Variants in CTSB observed in about 807,000 individuals in gnomAD.
CTSB encodes the protein cathepsin B, also known as APP secretase.
A neutral mutation model predicts 44.3 loss-of-function variants in CTSB; 57 were observed. The observed-to-expected ratio is 1.29, with a 90% CI of 1.04 to 1.60. The LOEUF (loss-of-function observed/expected upper bound fraction) is 1.60, where lower values mean the gene tolerates loss of function less well. Among genes scored for constraint, CTSB ranks in the 40% most tolerant of loss-of-function variants. The pLI is 0.00. For missense variants in CTSB, 768 were observed against 443.0 expected (o/e 1.73, Z -6.59); for synonymous variants, 320 against 168.0 (o/e 1.91, Z -7.00).
chr8:11,864,013 G>A (rs1482641315), intron 1 of CTSB, among the ~76,000 whole-genome samples: 1 of 152,098 alleles, frequency 6.6e-6, no homozygotes, highest in African/African-American at 2.4e-5. Flanking sequence ...TAACATAACT[G>A]TCCCTCAGTA....
intron 6 of CTSB, 78 bp from the exon 7 acceptor site, chr8:11,847,900 T>G (rs1030869522): frequency 2.1e-5 from 31 of 1,444,888 alleles, no homozygotes; most frequent in Non-Finnish European, 2.9e-5. Context: ...GCCTCGTGCC[T>G]GCAGCATGGA....
intron 5 of CTSB, chr8:11,848,553 G>A (rs1813901190): frequency 8.6e-6 from 3 of 347,158 alleles, no homozygotes; most frequent in African/African-American, 6.4e-5. Context: ...AGTTAGGGGA[G>A]AAGCCCATGC....
At position 11,853,399 on chromosome 8, in the gene CTSB, C is replaced by T; in HGVS notation, c.56G>A (p.Ser19Asn). 6.2e-7 allele frequency: 1 copy of T among 1,612,928 alleles called. No homozygotes were observed. Among genetic ancestry groups the T allele is most frequent in the African/African-American group, 1.3e-5 (1 of 74,594 alleles). The change falls in exon 2 of 10, where the codon AGC (serine) becomes AAC (asparagine). Residue 19 changes from serine (S) to asparagine (N), a missense_variant. Ser to Asn is a conservative substitution (Grantham distance 46). Coordinates refer to ENST00000353047, the MANE Select transcript of CTSB (RefSeq NM_001908.5). Reference protein sequence around the residue: ...CCLLVLANARSRPSFHPLSDE... With the variant: ...CCLLVLANARNRPSFHPLSDE... ...CGACAGGGGATGGAAAGAGGGCCTG[C>T]TCCGGGCATTGGCCAACACCAGCAG...
At chr8:11,855,565 G>A (rs1815363654) in intron 1 of CTSB, among the ~76,000 whole-genome samples, 1 of 152,100 alleles carries the variant, frequency 6.6e-6, no homozygotes, top group South Asian at 2.1e-4. Context: ...AGCCTTCAAG[G>A]GAAAATGCTT....
In CTSB at chr8:11,853,577, T is replaced by C. The variant is rs891129113; in HGVS notation, c.-25-98A>G. Reference sequence around the variant, plus strand: ...TCTCGGGCATCAGTGGGGACCCCCATGCTCGTCCTGGCCCAGGCGGAGAAC... The same window carrying C: ...TCTCGGGCATCAGTGGGGACCCCCACGCTCGTCCTGGCCCAGGCGGAGAAC... On this transcript the variant is annotated intron_variant, in intron 1 of 9. Transcript: ENST00000353047. The C allele has an allele frequency of 6.5e-6, 8 of 1,236,470 alleles. No homozygotes were observed. The African/African-American group carries it at 7.6e-5, about 12-fold the overall frequency. The allele number at this position is 1,236,470 out of a possible 1,614,324, so 76.6% of individuals were successfully genotyped here.
chr8:11,852,149 C>G (rs1210929638), intron 3 of CTSB, among the ~76,000 whole-genome samples: 3 of 152,140 alleles, frequency 2.0e-5, no homozygotes, highest in Non-Finnish European at 4.4e-5. Flanking sequence ...GGGCAGATGA[C>G]TTGCTGAGGC....
At chr8:11,852,047 C>T (rs1272253429) in intron 3 of CTSB, among the ~76,000 whole-genome samples, 3 of 152,190 alleles carry the variant, frequency 2.0e-5, no homozygotes, top group Non-Finnish European at 4.4e-5. Flanking sequence ...CCTTGTCTGT[C>T]ACATCTGCGG....
chr8:11,847,785 G>T lies in CTSB; in HGVS notation c.570C>A (p.His190Gln), dbSNP rs533996056. The change falls in exon 7 of 10, where the codon CAC becomes CAA. Residue 190 changes from histidine to glutamine, a missense_variant. His to Gln is a conservative substitution (Grantham distance 24). Transcript: ENST00000353047. ...TGCATGGGGGCCGGGAGCCGTTGAC[G>T]TGGTGCTCACAGGGAGGGATGGAGT... ...RPYSIPPCEHHVNGSRPPCTG... is the reference protein window; with the variant it reads ...RPYSIPPCEHQVNGSRPPCTG... The T allele has an allele frequency of 1.3e-6, 2 of 1,598,586 alleles. No individual in the cohort carries two copies. The highest frequency in any genetic ancestry group is 1.1e-5 in the South Asian group (1 of 88,842).
rs1466119185 is a variant in CTSB, at chr8:11,845,186, C to G, written c.959G>C (p.Gly320Ala). The change falls in exon 10 of 10, where the codon GGA becomes GCA. Residue 320 changes from glycine to alanine, a missense_variant. By Grantham distance (60) the Gly-to-Ala change is moderately conservative. Coordinates refer to ENST00000353047, the MANE Select transcript of CTSB (RefSeq NM_001908.5). ...TCCAGCCACCACTTCTGATTCGATT[C>G]CACAGTGATCCTGTCCTCTGAGTAT... ...FKILRGQDHC[G>A]IESEVVAGIP... 1.2e-6 allele frequency: 2 copies of G among 1,613,926 alleles called. No individual in the cohort carries two copies. The highest frequency in any genetic ancestry group is 1.7e-6 in the Non-Finnish European group (2 of 1,179,802).
At position 11,853,323 on chromosome 8, in the gene CTSB, G is replaced by A; in HGVS notation, c.126+6C>T. 1.9e-6 allele frequency: 3 copies of A among 1,613,278 alleles called. No individual in the cohort carries two copies. The highest frequency in any genetic ancestry group is 2.5e-6 in the Non-Finnish European group (3 of 1,179,780). On this transcript the variant is annotated splice_donor_region_variant and intron_variant, in intron 2 of 9. Transcript: ENST00000353047. ...GACATACATAGGACGCAGCCCCACA[G>A]CCTACCTGCCACGTGGTATTCCGTT...
intron 1 of CTSB, chr8:11,867,773 G>A (rs1817383955): frequency 6.6e-6 from 1 of 152,214 alleles, no homozygotes; most frequent in Admixed American, 6.5e-5. Flanking sequence ...GGCGGGCGGA[G>A]CTGTTTTCTG....
At chr8:11,847,009 T>G (rs1295936532) in intron 8 of CTSB, 43 bp downstream of exon 8, 262 of 648,034 alleles carry the variant, frequency 4.0e-4, no homozygotes, top group Non-Finnish European at 5.6e-4. Context: ...CAGGCTCCCC[T>G]CCCGACCCCC....
chr8:11,859,618 A>G (rs1816063853), intron 1 of CTSB, among the ~76,000 whole-genome samples: 1 of 151,674 alleles, frequency 6.6e-6, no homozygotes, highest in Non-Finnish European at 1.5e-5. Context: ...AAATACAAAA[A>G]TTAGCCAGGC....
At chr8:11,852,570 G>A in intron 3 of CTSB, 40 bp downstream of exon 3, 5 of 1,546,580 alleles carry the variant, frequency 3.2e-6, no homozygotes, top group Non-Finnish European at 4.4e-6. Flanking sequence ...ACCAACGCCT[G>A]CCACTCACAT....
In CTSB at chr8:11,844,683, GCTCCCAACACCGTCT is replaced by G. The variant is rs1036977899; in HGVS notation, c.*427_*441del. The G allele has an allele frequency of 1.8e-5, 3 of 163,090 alleles. No individual in the cohort carries two copies. The highest frequency in any genetic ancestry group is 7.2e-5 in the African/African-American group (3 of 41,860). The allele number at this position is 163,090 out of a possible 1,614,324, so 10.1% of individuals were successfully genotyped here. A position where few individuals can be genotyped will look rare whatever the true frequency, so the allele number is the denominator to read the frequency against. ...CTGGGAGACTGGCGTTCTCCAAAGG[GCTCCCAACACCGTCT>G]CTCCTCTGATTTCTGTGACAAATGT... On this transcript the variant is annotated 3_prime_UTR_variant, in exon 10 of 10. Coordinates refer to ENST00000353047, the MANE Select transcript of CTSB (RefSeq NM_001908.5).
At chr8:11,845,484 A>T (rs897434280) in intron 9 of CTSB, among the ~76,000 whole-genome samples, 177 bp downstream of exon 9, 3 of 152,196 alleles carry the variant, frequency 2.0e-5, no homozygotes, top group African/African-American at 7.2e-5. Flanking sequence ...AGCTGCTCAG[A>T]GTCTGCCCTC....
Position 11,853,476 on chromosome 8 carries a change from C to T in CTSB, c.-22G>A, listed in dbSNP as rs144735294. 2.5e-3 allele frequency: 4,091 copies of T among 1,609,174 alleles called. 53 individuals carry two copies. In the Middle Eastern group the frequency reaches 0.031, roughly 12 times the overall value. On this transcript the variant is annotated 5_prime_UTR_variant, in exon 2 of 10. Coordinates refer to ENST00000353047, the MANE Select transcript of CTSB (RefSeq NM_001908.5). ...ACATGTTGGAAGCCGGATCCTAGAT[C>T]CACCTGGAGAGGACAGAGGGCATCA...
At chr8:11,860,744 A>G (rs955638733) in intron 1 of CTSB, among the ~76,000 whole-genome samples, 1 of 152,206 alleles carries the variant, frequency 6.6e-6, no homozygotes, top group Non-Finnish European at 1.5e-5. Context: ...GGAACAGTGG[A>G]AAGGTGGGGA....
At chr8:11,858,312 T>G (rs142732488) in intron 1 of CTSB, among the ~76,000 whole-genome samples, 6 of 152,330 alleles carry the variant, frequency 3.9e-5, no homozygotes, top group African/African-American at 1.4e-4. Context: ...TTGTTTGTTT[T>G]AAGACAGGAT....
Sources: gnomAD v4.1 joint callset for allele counts (sites outside exome capture counted in the v4.1 genomes callset) on GRCh38, gnomAD v4.1.1 for gene constraint, MANE v1.5 for transcripts, NCBI Gene and HGNC (gene_info 2026-07-23, HGNC 2026-07-21) for gene names.